Variants in ZFPM2 observed in about 807,000 individuals in gnomAD.
ZFPM2 encodes zinc finger protein ZFPM2.
In ZFPM2, 20 loss-of-function variants were observed where a neutral mutation model predicts 98.6. The ratio of observed to expected loss-of-function variants is 0.20; its 90% CI spans 0.14 to 0.29. The LOEUF (loss-of-function observed/expected upper bound fraction) is 0.29, where lower values mean the gene tolerates loss of function less well. Among genes scored for constraint, ZFPM2 ranks in the 10% least tolerant of loss-of-function variants. ZFPM2 has a pLI of 1.00. For missense variants in ZFPM2, 1,310 were observed against 1,388.6 expected, an observed-to-expected ratio of 0.94 and a Z score of 0.90; for synonymous variants, 518 against 502.7, an observed-to-expected ratio of 1.03 and a Z score of -0.41.
chr8:105,340,660 T>C (rs1812412481), intron 1 of ZFPM2, among the ~76,000 whole-genome samples: 1 of 151,950 alleles, frequency 6.6e-6, no homozygotes. Flanking sequence ...TATAGTTTTA[T>C]TTATATTAAC....
intron 4 of ZFPM2, among the ~76,000 whole-genome samples, chr8:105,611,260 G>T (rs1028885083): frequency 6.6e-6 from 1 of 152,156 alleles, no homozygotes; most frequent in Non-Finnish European, 1.5e-5. Flanking sequence ...AGGAGTTAAA[G>T]ACCATATCTC....
intron 4 of ZFPM2, among the ~76,000 whole-genome samples, chr8:105,596,658 A>C (rs1210411685): frequency 2.0e-5 from 3 of 151,700 alleles, no homozygotes; most frequent in African/African-American, 7.3e-5. Context: ...TGTTCCTATA[A>C]GAATTTAACC....
intron 4 of ZFPM2, among the ~76,000 whole-genome samples, chr8:105,563,238 T>C (rs1243553846): frequency 6.6e-6 from 1 of 152,198 alleles, no homozygotes; most frequent in Non-Finnish European, 1.5e-5. Context: ...TGAAAGAAAT[T>C]GATACATGTG....
intron 3 of ZFPM2, among the ~76,000 whole-genome samples, chr8:105,480,177 A>T (rs1813086914): frequency 6.6e-6 from 1 of 152,152 alleles, no homozygotes; most frequent in Non-Finnish European, 1.5e-5. Context: ...ATTCTGCTTC[A>T]TGGTTCACAG....
chr8:105,399,809 A>G (rs1414603286), intron 1 of ZFPM2, among the ~76,000 whole-genome samples: 1 of 152,134 alleles, frequency 6.6e-6, no homozygotes, highest in Non-Finnish European at 1.5e-5. Context: ...CTCTGTGTCC[A>G]GGCTGGAGTG....
chr8:105,393,330 C>CTGCCTTTCTTTCTT (rs1245789213), intron 1 of ZFPM2, among the ~76,000 whole-genome samples: 31 of 132,820 alleles, frequency 2.3e-4, no homozygotes, highest in Non-Finnish European at 3.8e-4. Context: ...CCCTCTCTCT[C>CTGCCTTTCTTTCTT]TCTTTGCCTT....
chr8:105,360,445 A>G (rs1812834514), intron 1 of ZFPM2, among the ~76,000 whole-genome samples: 1 of 152,158 alleles, frequency 6.6e-6, no homozygotes, highest in Non-Finnish European at 1.5e-5. Context: ...TAGCTTGTTT[A>G]AAAGAATGGG....
chr8:105,621,837 G>T (rs532927991), intron 4 of ZFPM2, among the ~76,000 whole-genome samples: 1 of 151,788 alleles, frequency 6.6e-6, no homozygotes, highest in African/African-American at 2.4e-5. Context: ...ATTGTAAAAC[G>T]ATTATTTTAT....
At chr8:105,800,423 G>T in intron 7 of ZFPM2, among the ~76,000 whole-genome samples, 1 of 150,800 alleles carries the variant, frequency 6.6e-6, no homozygotes, top group East Asian at 1.9e-4. Context: ...TGTACTGGTA[G>T]ACTATATTAG....
intron 5 of ZFPM2, among the ~76,000 whole-genome samples, chr8:105,772,372 G>A (rs1267052976): frequency 6.6e-6 from 1 of 152,150 alleles, no homozygotes; most frequent in African/African-American, 2.4e-5. Context: ...TACACTCTTT[G>A]TCATTAGAGG....
intron 5 of ZFPM2, among the ~76,000 whole-genome samples, chr8:105,729,651 A>G (rs1811886029): frequency 6.6e-6 from 1 of 151,678 alleles, no homozygotes; most frequent in Admixed American, 6.6e-5. Flanking sequence ...AGTGTAAATG[A>G]ATCACTTTCA....
At chr8:105,483,923 A>G (rs1403961017) in intron 3 of ZFPM2, among the ~76,000 whole-genome samples, 1 of 151,372 alleles carries the variant, frequency 6.6e-6, no homozygotes, top group Non-Finnish European at 1.5e-5. Context: ...TTTAGTAGAG[A>G]GTGGGTTTCA....
Position 105,583,274 on chromosome 8 carries a change from A to G in ZFPM2, c.420+21793A>G, listed in dbSNP as rs1225840228. Among the ~76,000 whole-genome samples, 8 of 152,094 alleles carry G rather than the reference A, an allele frequency of 5.3e-5. No individual in the cohort carries two copies. In the East Asian group the frequency reaches 5.8e-4, roughly 11 times the overall value. ...CATATTTGATTATATATTTTGTTCT[A>G]TATATTTTTGGTTATATATTGTTTA... On this transcript the variant is annotated intron_variant, in intron 4 of 7. Transcript: ENST00000407775.
At chr8:105,668,256 T>A (rs1817525080) in intron 5 of ZFPM2, among the ~76,000 whole-genome samples, 1 of 152,218 alleles carries the variant, frequency 6.6e-6, no homozygotes, top group African/African-American at 2.4e-5. Context: ...GTTCTTTAAT[T>A]CATTCAAAAT....
At chr8:105,407,894 T>C (rs559319855) in intron 1 of ZFPM2, among the ~76,000 whole-genome samples, 79 of 152,052 alleles carry the variant, frequency 5.2e-4, no homozygotes, top group Non-Finnish European at 9.7e-4. Flanking sequence ...TAGACACTTA[T>C]GTCAGGAGTG....
chr8:105,487,892 G>GTCTATCTATCTA lies in ZFPM2; in HGVS notation c.301+43540_301+43551dup, dbSNP rs752314176. ...TACTTTAACCCTATAAAGTCTGTCT[G>GTCTATCTATCTA]TCTATCTATCTATCTATCTATCTAT... On this transcript the variant is annotated intron_variant, in intron 3 of 7. Coordinates refer to ENST00000407775, the MANE Select transcript of ZFPM2 (RefSeq NM_012082.4). Among the ~76,000 whole-genome samples, 752 of 103,410 alleles carry GTCTATCTATCTA rather than the reference G, an allele frequency of 7.3e-3. 7 individuals are homozygous for GTCTATCTATCTA. The highest frequency in any genetic ancestry group is 0.015 in the Middle Eastern group (3 of 194). The allele number at this position is 103,410 out of a possible 152,430, so 67.8% of individuals were successfully genotyped here.
intron 5 of ZFPM2, among the ~76,000 whole-genome samples, chr8:105,718,037 T>A (rs1811565713): frequency 6.6e-6 from 1 of 151,736 alleles, no homozygotes; most frequent in Non-Finnish European, 1.5e-5. Flanking sequence ...GTCATGTAAC[T>A]CCCTGGGATG....
intron 4 of ZFPM2, among the ~76,000 whole-genome samples, chr8:105,601,523 C>T (rs1586491730): frequency 6.6e-6 from 1 of 152,058 alleles, no homozygotes; most frequent in Non-Finnish European, 1.5e-5. Flanking sequence ...ATACCCCTGC[C>T]CTTCCTTACT....
At chr8:105,634,792 TGATGAGAG>T (rs1816816900) in intron 5 of ZFPM2, among the ~76,000 whole-genome samples, 1 of 152,172 alleles carries the variant, frequency 6.6e-6, no homozygotes, top group East Asian at 1.9e-4. Flanking sequence ...AAGTCATGCA[TGATGAGAG>T]GATAGCTGGA....
Sources: allele counts gnomAD v4.1 joint callset (sites outside exome capture counted in the v4.1 genomes callset), GRCh38; gene constraint gnomAD v4.1.1; transcripts MANE v1.5; gene names NCBI Gene and HGNC (gene_info 2026-07-23, HGNC 2026-07-21).